Variants in MTMR12 observed in about 807,000 individuals in gnomAD.
The protein encoded by MTMR12 is myotubularin related protein 12, also known as myotubularin-related protein 12.
A neutral mutation model predicts 96.7 loss-of-function variants in MTMR12; 33 were observed. The observed-to-expected ratio is 0.34, with a 90% confidence interval of 0.26 to 0.46. MTMR12 has a LOEUF of 0.46. Among genes scored for constraint, MTMR12 ranks in the 20% least tolerant of loss-of-function variants. MTMR12 has a pLI of 1.00. For missense variants in MTMR12, 721 were observed against 896.1 expected, an observed-to-expected ratio of 0.80 and a Z score of 2.49; for synonymous variants, 298 against 327.2, an observed-to-expected ratio of 0.91 and a Z score of 0.96.
intron 2 of MTMR12, among the ~76,000 whole-genome samples, chr5:32,274,862 T>C (rs960483575): frequency 3.9e-5 from 6 of 152,178 alleles, no homozygotes; most frequent in African/African-American, 1.4e-4. Flanking sequence ...TATCCCTCCT[T>C]GCAGTCAAAA....
Position 32,276,676 on chromosome 5 carries a change from A to G in MTMR12, c.142+6T>C. The G allele has an allele frequency of 6.2e-7, 1 of 1,612,414 alleles. No individual in the cohort carries two copies. ...ATAGGAGTTACTATGCTAACATGAC[A>G]GTTACCTGGCAACAAGTGAAGAGTT... On this transcript the variant is annotated splice_donor_region_variant and intron_variant, in intron 2 of 15. Coordinates refer to ENST00000382142, the MANE Select transcript of MTMR12 (RefSeq NM_001040446.3).
intron 14 of MTMR12, 46 bp downstream of exon 14, chr5:32,234,916 G>T (rs753835257): frequency 2.0e-6 from 3 of 1,527,114 alleles, no homozygotes; most frequent in South Asian, 2.4e-5. Context: ...TCCTACTTGT[G>T]AGAAGAAGCC....
rs1382789285 is a variant in MTMR12, at chr5:32,248,060, G to A, written c.963C>T (p.Phe321=). The change falls in exon 10 of 16, where the codon TTC becomes TTT. Residue 321 remains phenylalanine (F), a synonymous_variant. Transcript: ENST00000382142. ...IVKTEDLSSN[F]LSLQEIQTAY... is the part of the protein sequence containing the mutation. ...CAGTCTGGATTTCCTGCAGGGACAG[G>A]AAGTTGCTTGACAGGTCTTCCGTTT... 1 of 1,613,986 alleles carries A rather than the reference G, an allele frequency of 6.2e-7. No homozygotes were observed. The highest frequency in any genetic ancestry group is 2.2e-5 in the East Asian group (1 of 44,886).
chr5:32,300,894 G>A (rs1581646982), intron 1 of MTMR12, among the ~76,000 whole-genome samples: 1 of 152,122 alleles, frequency 6.6e-6, no homozygotes, highest in East Asian at 1.9e-4. Context: ...GGCCAACATG[G>A]TGAAACCCCA....
At chr5:32,303,904 G>A (rs1403339033) in intron 1 of MTMR12, among the ~76,000 whole-genome samples, 1 of 148,002 alleles carries the variant, frequency 6.8e-6, no homozygotes, top group African/African-American at 2.5e-5. Flanking sequence ...AGCACAACTT[G>A]ATGAGAAACT....
intron 14 of MTMR12, among the ~76,000 whole-genome samples, chr5:32,234,396 A>G (rs924833260): frequency 1.1e-4 from 16 of 152,126 alleles, no homozygotes; most frequent in Admixed American, 5.9e-4. Flanking sequence ...GAGATTATCT[A>G]ATTGGGGGCA....
intron 1 of MTMR12, among the ~76,000 whole-genome samples, chr5:32,302,136 C>T (rs916300529): frequency 4.6e-5 from 7 of 152,150 alleles, no homozygotes; most frequent in African/African-American, 1.7e-4. Context: ...GTTTTGCATG[C>T]CACCTCTGAA....
chr5:32,306,277 T>C (rs1404362154), intron 1 of MTMR12, among the ~76,000 whole-genome samples: 2 of 152,028 alleles, frequency 1.3e-5, no homozygotes, highest in African/African-American at 4.8e-5. Flanking sequence ...AGTTTCCATA[T>C]CTAAAAACAA....
At chr5:32,301,007 G>A (rs1442249750) in intron 1 of MTMR12, among the ~76,000 whole-genome samples, 1 of 152,098 alleles carries the variant, frequency 6.6e-6, no homozygotes, top group Non-Finnish European at 1.5e-5. Context: ...CCTGGGAGGT[G>A]GAGGATGCAG....
intron 4 of MTMR12, among the ~76,000 whole-genome samples, chr5:32,271,294 C>T (rs1384476578): frequency 6.6e-6 from 1 of 152,180 alleles, no homozygotes; most frequent in African/African-American, 2.4e-5. Context: ...TGACAGTCAA[C>T]TCCTGGGTTT....
rs1561727226 is a variant in MTMR12 at position 32,228,591 on chromosome 5, G to GATATATATATATCATATATATGCGAT, written c.*1186_*1187insATCGCATATATATGATATATATATAT. 9.6e-6 allele frequency: 1 copy of GATATATATATATCATATATATGCGAT among 103,670 alleles called. No individual in the cohort carries two copies. Among genetic ancestry groups the GATATATATATATCATATATATGCGAT allele is most frequent in the African/African-American group, 3.9e-5 (1 of 25,430 alleles). 6.4% of individuals were successfully genotyped at this position (103,670 alleles called of 1,614,324 possible). On this transcript the variant is annotated 3_prime_UTR_variant, in exon 16 of 16. Transcript: ENST00000382142. ...TATCATATATATATCATATATATGT[G>GATATATATATATCATATATATGCGAT]ATATATATATATATATCATATATAT...
chr5:32,264,278 A>C (rs1749502008), intron 6 of MTMR12, among the ~76,000 whole-genome samples: 1 of 152,178 alleles, frequency 6.6e-6, no homozygotes, highest in Non-Finnish European at 1.5e-5. Flanking sequence ...CACAAATTCT[A>C]TCACAAATAG....
intron 8 of MTMR12, among the ~76,000 whole-genome samples, chr5:32,249,645 G>C (rs183129094): frequency 3.3e-5 from 5 of 152,334 alleles, no homozygotes; most frequent in African/African-American, 1.2e-4. Flanking sequence ...AAGGCAAGGA[G>C]AAAGAAGTCA....
intron 1 of MTMR12, among the ~76,000 whole-genome samples, chr5:32,297,332 T>C (rs1448403482): frequency 6.6e-6 from 1 of 152,176 alleles, no homozygotes; most frequent in Non-Finnish European, 1.5e-5. Context: ...TCTGTTTACA[T>C]TGTACCTCTA....
At chr5:32,246,170 G>GTTTTTTTTTTTTGTT (rs1554056249) in intron 10 of MTMR12, among the ~76,000 whole-genome samples, 1 of 82,822 alleles carries the variant, frequency 1.2e-5, no homozygotes, top group African/African-American at 4.0e-5. Context: ...TGAGTAGACA[G>GTTTTTTTTTTTTGTT]TTTTTTTTTT....
At chr5:32,280,094 T>C (rs1430127841) in intron 1 of MTMR12, among the ~76,000 whole-genome samples, 2 of 152,190 alleles carry the variant, frequency 1.3e-5, no homozygotes, top group Non-Finnish European at 2.9e-5. Flanking sequence ...AGTCAATTCT[T>C]TGGACTCTTA....
intron 7 of MTMR12, among the ~76,000 whole-genome samples, chr5:32,258,662 ATGG>A (rs1749233390): frequency 6.6e-6 from 1 of 152,158 alleles, no homozygotes; most frequent in Non-Finnish European, 1.5e-5. Context: ...CACACATTAA[ATGG>A]AGACGCACTG....
chr5:32,297,287 T>C (rs569546033), intron 1 of MTMR12, among the ~76,000 whole-genome samples: 1 of 152,290 alleles, frequency 6.6e-6, no homozygotes, highest in Non-Finnish European at 1.5e-5. Flanking sequence ...AAGCACCTCA[T>C]ACCAAAGCTG....
At chr5:32,284,889 G>C (rs191225200) in intron 1 of MTMR12, among the ~76,000 whole-genome samples, 77 of 152,252 alleles carry the variant, frequency 5.1e-4, no homozygotes, top group African/African-American at 1.6e-3. Context: ...TTCAACAAAT[G>C]CATCAGTTAA....
Sources: gnomAD v4.1 joint callset for allele counts (sites outside exome capture counted in the v4.1 genomes callset) on GRCh38, gnomAD v4.1.1 for gene constraint, MANE v1.5 for transcripts, NCBI Gene and HGNC (gene_info 2026-07-23, HGNC 2026-07-21) for gene names.